MAP2K3: variants seen among roughly 807,000 people sequenced by gnomAD.
MAP2K3 encodes the protein mitogen-activated protein kinase kinase 3.
Under a neutral mutation model 46.4 loss-of-function variants are expected in MAP2K3, and 30 were observed. That is an observed-to-expected ratio of 0.65 (90% CI 0.48 to 0.88). The LOEUF is 0.88. Ranked by LOEUF, MAP2K3 falls within the 40% of genes least tolerant of loss-of-function variation. The probability of loss-of-function intolerance (pLI) is 0.00; values close to 1 mark genes in which losing one functional copy is unlikely to be tolerated. For missense variants in MAP2K3, 380 were observed against 464.5 expected (o/e 0.82, Z 1.67); for synonymous variants, 189 against 176.3 (o/e 1.07, Z -0.57).
chr17:21,296,230 C>G, intron 1 of MAP2K3: 2 of 1,281,008 alleles, frequency 1.6e-6, no homozygotes, highest in South Asian at 1.2e-5. Context: ...ATTTCTGCCT[C>G]GAGCTGTTTT....
intron 1 of MAP2K3, chr17:21,296,001 T>A: frequency 1.6e-6 from 2 of 1,272,772 alleles, no homozygotes; most frequent in Non-Finnish European, 2.1e-6. Context: ...TATTTTATAT[T>A]CTGGTTACGA....
chr17:21,302,453 ACCTCC>A, intron 6 of MAP2K3, among the ~76,000 whole-genome samples, 194 bp downstream of exon 6: 1 of 152,428 alleles, frequency 6.6e-6, no homozygotes, highest in Non-Finnish European at 1.5e-5. Flanking sequence ...TGCTTAGGAG[ACCTCC>A]GCTCCTGGGG....
At chr17:21,294,956 C>G (rs750943425) in intron 1 of MAP2K3, among the ~76,000 whole-genome samples, 26 of 152,298 alleles carry the variant, frequency 1.7e-4, no homozygotes, top group Non-Finnish European at 3.7e-4. Flanking sequence ...CTGACTGGCT[C>G]TCTGAGATGG....
chr17:21,293,651 G>A (rs1333137394), intron 1 of MAP2K3, among the ~76,000 whole-genome samples: 1 of 152,312 alleles, frequency 6.6e-6, no homozygotes, highest in Non-Finnish European at 1.5e-5. Context: ...TGGAGGCCAG[G>A]CCCTGGCCAG....
intron 1 of MAP2K3, chr17:21,291,525 A>G (rs1192474446): frequency 4.4e-6 from 2 of 456,410 alleles, no homozygotes; most frequent in Non-Finnish European, 8.8e-6. Flanking sequence ...CCTTTGGAGC[A>G]CAGCCTACGA....
chr17:21,296,318 T>G, intron 1 of MAP2K3: 1 of 670,402 alleles, frequency 1.5e-6, no homozygotes, highest in Non-Finnish European at 2.3e-6. Flanking sequence ...GCTGCGCCAC[T>G]CCAAGCCCAG....
intron 4 of MAP2K3, 28 bp downstream of exon 4, chr17:21,300,686 G>C: frequency 1.9e-6 from 3 of 1,590,802 alleles, no homozygotes; most frequent in Non-Finnish European, 2.6e-6. Flanking sequence ...GCAGCTGGGA[G>C]GGCTCCCTGG....
intron 5 of MAP2K3, among the ~76,000 whole-genome samples, 194 bp from the exon 6 acceptor site, chr17:21,301,949 C>T (rs1421083041): frequency 6.6e-6 from 1 of 152,210 alleles, no homozygotes; most frequent in African/African-American, 2.4e-5. Flanking sequence ...CCGAACCTGG[C>T]AGTGCAGGCA....
At position 21,313,338 on chromosome 17, in the gene MAP2K3, C is replaced by T. The variant is rs560916056; in HGVS notation, c.915-154C>T. Among the ~76,000 whole-genome samples the T allele has an allele frequency of 9.4e-4, 143 of 152,310 alleles. 1 individual carries two copies. Among genetic ancestry groups the T allele is most frequent in the Middle Eastern group, 6.8e-3 (2 of 294 alleles). Reference sequence around the variant, plus strand: ...TTGCTCCTATGAATGCCCCTCCACCCTGGAAGAAGCCCTAGACAGTCCTGT... The same window carrying T: ...TTGCTCCTATGAATGCCCCTCCACCTTGGAAGAAGCCCTAGACAGTCCTGT... On this transcript the variant is annotated intron_variant, in intron 10 of 11. Transcript: ENST00000342679.
At chr17:21,295,819 C>G (rs1359786552) in intron 1 of MAP2K3, 1 of 1,289,684 alleles carries the variant, frequency 7.8e-7, no homozygotes, top group South Asian at 1.2e-5. Context: ...TACAACATTC[C>G]CAAATCCCAA....
At chr17:21,304,289 G>A (rs995971066) in intron 7 of MAP2K3, 137 bp from the exon 8 acceptor site, 2 of 1,492,960 alleles carry the variant, frequency 1.3e-6, no homozygotes, top group Admixed American at 1.8e-5. Flanking sequence ...GGACCCTGGT[G>A]CAACCTGCCC....
chr17:21,295,874 G>A, intron 1 of MAP2K3: 4 of 1,285,396 alleles, frequency 3.1e-6, no homozygotes, highest in Non-Finnish European at 4.1e-6. Flanking sequence ...ACCAAGAGCA[G>A]AGAGAGTGCA....
intron 1 of MAP2K3, among the ~76,000 whole-genome samples, chr17:21,297,318 AG>A: frequency 6.6e-6 from 1 of 152,304 alleles, no homozygotes; most frequent in Non-Finnish European, 1.5e-5. Context: ...TCTAAGCCCC[AG>A]TACCAGCAGC....
At chr17:21,295,957 G>A (rs1247255175) in intron 1 of MAP2K3, 3 of 1,250,450 alleles carry the variant, frequency 2.4e-6, no homozygotes, top group Non-Finnish European at 3.1e-6. Flanking sequence ...AAGGCCCAGG[G>A]TCTCTGTGCA....
chr17:21,303,539 T>C (rs1038634497), intron 7 of MAP2K3, among the ~76,000 whole-genome samples: 4 of 152,308 alleles, frequency 2.6e-5, no homozygotes, highest in Non-Finnish European at 5.9e-5. Context: ...TTCACACCCA[T>C]GCAACCACCT....
chr17:21,303,071 A>T, intron 6 of MAP2K3, 112 bp from the exon 7 acceptor site: 5 of 1,387,702 alleles, frequency 3.6e-6, no homozygotes, highest in Non-Finnish European at 5.0e-6. Context: ...TAGCCTGTGC[A>T]GCGGGAGCGG....
chr17:21,299,943 T>C (rs1260515651), intron 3 of MAP2K3, among the ~76,000 whole-genome samples: 4 of 152,298 alleles, frequency 2.6e-5, no homozygotes, highest in Non-Finnish European at 4.4e-5. Context: ...GATTACCCCA[T>C]TGCATTCCAG....
At chr17:21,293,928 G>C (rs911141862) in intron 1 of MAP2K3, among the ~76,000 whole-genome samples, 58 of 152,402 alleles carry the variant, frequency 3.8e-4, no homozygotes, top group South Asian at 6.2e-4. Context: ...GGCCCTGCCT[G>C]AAGGTGCATG....
chr17:21,294,204 C>T (rs1030527739), intron 1 of MAP2K3, among the ~76,000 whole-genome samples: 2 of 152,312 alleles, frequency 1.3e-5, no homozygotes, highest in Admixed American at 6.5e-5. Flanking sequence ...GGCAGGGCGG[C>T]GCCTCTTGCT....
Sources: allele counts gnomAD v4.1 joint callset (sites outside exome capture counted in the v4.1 genomes callset), GRCh38; gene constraint gnomAD v4.1.1; transcripts MANE v1.5; gene names NCBI Gene and HGNC (gene_info 2026-07-23, HGNC 2026-07-21).